The following MYO9A variants were observed in gnomAD, a reference collection of about 807,000 sequenced individuals.
The protein encoded by MYO9A is unconventional myosin-IXa.
Under a neutral mutation model 293.3 loss-of-function variants are expected in MYO9A, and 103 were observed. That is an observed-to-expected ratio of 0.35 (90% CI 0.30 to 0.41). The LOEUF is 0.41. Ranked by LOEUF, MYO9A falls within the 10% of genes least tolerant of loss-of-function variation. The probability of loss-of-function intolerance (pLI) is 1.00; values close to 1 mark genes in which losing one functional copy is unlikely to be tolerated. For missense variants in MYO9A, 2,685 were observed against 3,033.0 expected (o/e 0.89, Z 2.69); for synonymous variants, 1,001 against 1,035.7 (o/e 0.97, Z 0.64).
chr15:71,941,030 A>G lies in MYO9A; in HGVS notation c.2303-2103T>C, dbSNP rs373386001. On this transcript the variant is annotated intron_variant, in intron 15 of 41. Transcript: ENST00000356056. ...GTTACCATTTTTACATCAATTATTAAGTATTTTAAACATAAAAGTGGCCTA... is the reference window on the plus strand; with the variant it reads ...GTTACCATTTTTACATCAATTATTAGGTATTTTAAACATAAAAGTGGCCTA... Among the ~76,000 whole-genome samples the G allele has an allele frequency of 2.0e-5, 3 of 152,334 alleles. No individual in the cohort carries two copies. The East Asian group carries it at 5.8e-4, about 29-fold the overall frequency.
chr15:72,014,784 A>G (rs2077281022), intron 6 of MYO9A, among the ~76,000 whole-genome samples: 1 of 151,910 alleles, frequency 6.6e-6, no homozygotes, highest in South Asian at 2.1e-4. Flanking sequence ...AAGAAAGAAA[A>G]GAAAGAAGGA....
chr15:71,953,529 T>TA (rs2059106299), intron 14 of MYO9A: 1 of 152,196 alleles, frequency 6.6e-6, no homozygotes, highest in Non-Finnish European at 1.5e-5. Context: ...TGTAGAGTTT[T>TA]AAAAAATCAA....
At position 71,875,688 on chromosome 15, in the gene MYO9A, T is replaced by C. The variant is rs556879680; in HGVS notation, c.5979+103A>G. 2.1e-5 allele frequency: 11 copies of C among 534,950 alleles called. No individual in the cohort carries two copies. In the South Asian group the frequency reaches 9.3e-4, roughly 45 times the overall value. The allele number at this position is 534,950 out of a possible 1,614,324, so 33.1% of individuals were successfully genotyped here. A position where few individuals can be genotyped will look rare whatever the true frequency, so the allele number is the denominator to read the frequency against. The stretch of plus-strand genomic sequence containing the variant: ...ATATGATTATTGCCTAGGTACCTGA[T>C]AAACTTATTTCATAAATATATCCAC... On this transcript the variant is annotated intron_variant, in intron 32 of 41. Transcript: ENST00000356056.
chr15:72,112,584 A>G (rs2080819165), intron 1 of MYO9A, among the ~76,000 whole-genome samples: 1 of 152,254 alleles, frequency 6.6e-6, no homozygotes, highest in Admixed American at 6.5e-5. Flanking sequence ...TAGTAGTATT[A>G]TGTTATTTTG....
intron 25 of MYO9A, 33 bp downstream of exon 25, chr15:71,897,428 T>C (rs771177340): frequency 6.5e-7 from 1 of 1,543,234 alleles, no homozygotes; most frequent in Non-Finnish European, 8.7e-7. Flanking sequence ...CCAAGAAGTT[T>C]CCCATTTATA....
intron 1 of MYO9A, among the ~76,000 whole-genome samples, chr15:72,107,826 T>C (rs1399418430): frequency 7.0e-6 from 1 of 142,224 alleles, no homozygotes; most frequent in Non-Finnish European, 1.5e-5. Context: ...TGCAAATGAC[T>C]ATAATACAAC....
intron 40 of MYO9A, among the ~76,000 whole-genome samples, chr15:71,828,954 CT>C (rs1457365648): frequency 6.6e-6 from 1 of 152,180 alleles, no homozygotes; most frequent in Non-Finnish European, 1.5e-5. Context: ...AGCCCCTTAC[CT>C]TTACTTCCCC....
intron 17 of MYO9A, among the ~76,000 whole-genome samples, chr15:71,934,843 A>C (rs1056330111): frequency 6.3e-5 from 8 of 126,238 alleles, no homozygotes; most frequent in African/African-American, 2.4e-4. Context: ...AGCATGGTAG[A>C]GAATGGTTAT....
At chr15:72,034,737 T>G (rs1021829108) in intron 2 of MYO9A, among the ~76,000 whole-genome samples, 1 of 152,234 alleles carries the variant, frequency 6.6e-6, no homozygotes, top group Non-Finnish European at 1.5e-5. Context: ...ATGCATTACA[T>G]TTTGAAAAAA....
intron 11 of MYO9A, among the ~76,000 whole-genome samples, chr15:71,987,278 A>G (rs141908657): frequency 1.8e-3 from 270 of 152,292 alleles, no homozygotes; most frequent in African/African-American, 6.4e-3. Context: ...GTGACACATG[A>G]CAGTACTTCA....
chr15:71,955,237 C>G (rs1160137056), intron 14 of MYO9A, among the ~76,000 whole-genome samples: 2 of 151,972 alleles, frequency 1.3e-5, no homozygotes, highest in Non-Finnish European at 2.9e-5. Context: ...AAGCTATTCT[C>G]CTGCCTCAGC....
chr15:72,040,443 A>AAGAC (rs1205788644), intron 2 of MYO9A, among the ~76,000 whole-genome samples: 1 of 152,168 alleles, frequency 6.6e-6, no homozygotes, highest in African/African-American at 2.4e-5. Context: ...TTTCTGTGTG[A>AAGAC]AGACTTGGGA....
chr15:72,021,707 G>A (rs909620624), intron 4 of MYO9A, among the ~76,000 whole-genome samples: 2 of 152,134 alleles, frequency 1.3e-5, no homozygotes, highest in Non-Finnish European at 2.9e-5. Flanking sequence ...CAAAGTTGGG[G>A]CAAACAATAG....
intron 14 of MYO9A, chr15:71,953,677 C>T (rs2059110484): frequency 6.6e-6 from 1 of 151,838 alleles, no homozygotes; most frequent in Non-Finnish European, 1.5e-5. Context: ...TAACCTCTCT[C>T]CTGTTCTTTC....
intron 13 of MYO9A, among the ~76,000 whole-genome samples, chr15:71,964,724 T>G (rs34137768): frequency 0.21 from 31,819 of 151,568 alleles, 3,511 homozygotes; most frequent in East Asian, 0.41. Context: ...GAGGCAGAGG[T>G]TGCAGTGAGC....
At chr15:72,086,225 G>A (rs1207615865) in intron 1 of MYO9A, among the ~76,000 whole-genome samples, 1 of 152,326 alleles carries the variant, frequency 6.6e-6, no homozygotes, top group East Asian at 1.9e-4. Flanking sequence ...GGTACAGGCA[G>A]CATGGCTTAA....
At chr15:72,054,387 G>A (rs190108871) in intron 1 of MYO9A, among the ~76,000 whole-genome samples, 6 of 152,274 alleles carry the variant, frequency 3.9e-5, no homozygotes, top group African/African-American at 1.4e-4. Context: ...GAAAGCAGGA[G>A]TAGGGCCAGG....
chr15:72,038,252 A>G (rs896626927), intron 2 of MYO9A, among the ~76,000 whole-genome samples: 7 of 152,166 alleles, frequency 4.6e-5, no homozygotes, highest in Non-Finnish European at 1.0e-4. Flanking sequence ...TGCACAAAAT[A>G]TATCCACCAC....
At chr15:71,959,033 G>C (rs2059265822) in intron 14 of MYO9A, 1 of 152,106 alleles carries the variant, frequency 6.6e-6, no homozygotes, top group South Asian at 2.1e-4. Context: ...TAATAAACAA[G>C]AAAGCATCTT....
Sources: allele counts gnomAD v4.1 joint callset (sites outside exome capture counted in the v4.1 genomes callset), GRCh38; gene constraint gnomAD v4.1.1; transcripts MANE v1.5; gene names NCBI Gene and HGNC (gene_info 2026-07-23, HGNC 2026-07-21).